LTBP1: variants seen among roughly 807,000 people sequenced by gnomAD.
LTBP1 encodes the protein latent-transforming growth factor beta-binding protein 1.
LTBP1 carries 129 observed loss-of-function variants against 207.6 expected under a neutral mutation model. The ratio of observed to expected loss-of-function variants is 0.62; its 90% CI spans 0.54 to 0.72. The LOEUF (loss-of-function observed/expected upper bound fraction) is 0.72, where lower values mean the gene tolerates loss of function less well. Among genes scored for constraint, LTBP1 ranks in the 30% least tolerant of loss-of-function variants. The pLI is 0.00. For missense variants in LTBP1, 2,281 were observed against 2,217.2 expected (o/e 1.03, Z -0.58); for synonymous variants, 963 against 833.7 (o/e 1.16, Z -2.67).
rs149391743 is a variant in LTBP1 at position 33,364,900 on chromosome 2, A to C, written c.4541-433A>C. Among the ~76,000 whole-genome samples the C allele has an allele frequency of 9.8e-3, 1,499 of 152,350 alleles. 10 individuals carry two copies. Among genetic ancestry groups the C allele is most frequent in the South Asian group, 0.021 (99 of 4,828 alleles). On this transcript the variant is annotated intron_variant, in intron 30 of 33. Transcript: ENST00000404816. ...TTGAAAGGTAGGAATTAAAGACTCTAGGATGAAGGGTCACTAGTCCAGGGC... is the reference window on the plus strand; with the variant it reads ...TTGAAAGGTAGGAATTAAAGACTCTCGGATGAAGGGTCACTAGTCCAGGGC...
chr2:33,118,210 A>T (rs970800202), intron 4 of LTBP1, among the ~76,000 whole-genome samples: 2 of 148,990 alleles, frequency 1.3e-5, no homozygotes, highest in African/African-American at 4.9e-5. Flanking sequence ...AAAACAAAAA[A>T]AAAACAACAA....
In LTBP1 at chr2:33,046,690, C is replaced by A. The variant is rs189152022; in HGVS notation, c.863+25484C>A. On this transcript the variant is annotated intron_variant, in intron 3 of 33. Transcript: ENST00000404816. ...TGGAATAGTTTCAGAAGGAATGGTA[C>A]CAGCTCCTTTTTGTACCTCTGGTAG... Among the ~76,000 whole-genome samples, 942 of 152,260 alleles carry A rather than the reference C, an allele frequency of 6.2e-3. 9 individuals are homozygous for A. Among genetic ancestry groups the A allele is most frequent in the African/African-American group, 0.021 (871 of 41,558 alleles).
chr2:33,302,968 C>G (rs1478247420), intron 22 of LTBP1, among the ~76,000 whole-genome samples: 2 of 151,162 alleles, frequency 1.3e-5, no homozygotes, highest in Non-Finnish European at 3.0e-5. Flanking sequence ...CACACACACA[C>G]ACACACACAC....
Position 33,244,609 on chromosome 2 carries a change from G to A in LTBP1, c.1999+825G>A, listed in dbSNP as rs185083262. 2.5e-3 allele frequency among the ~76,000 whole-genome samples: 379 copies of A among 152,272 alleles called. 4 individuals are homozygous for A. The highest frequency in any genetic ancestry group is 8.9e-3 in the African/African-American group (369 of 41,556). On this transcript the variant is annotated intron_variant, in intron 10 of 33. Coordinates refer to ENST00000404816, the MANE Select transcript of LTBP1 (RefSeq NM_206943.4). ...TTTTTAAGAATGTCTTATTTTTAAA[G>A]TAATCATGCCCATTATTATAGGTAA...
rs192085271 is a variant in LTBP1, at chr2:33,286,075, T to G, written c.3112+5917T>G. Among the ~76,000 whole-genome samples, 4 of 152,318 alleles carry G rather than the reference T, an allele frequency of 2.6e-5. No individual in the cohort carries two copies. The East Asian group carries it at 7.7e-4, about 29-fold the overall frequency. On this transcript the variant is annotated intron_variant, in intron 19 of 33. Coordinates refer to ENST00000404816, the MANE Select transcript of LTBP1 (RefSeq NM_206943.4). ...GGCAGAATATGCCACCTATTGGATATATGCAGCTAGCCTTTTGGGGGTTGT... is the reference window on the plus strand; with the variant it reads ...GGCAGAATATGCCACCTATTGGATAGATGCAGCTAGCCTTTTGGGGGTTGT...
intron 3 of LTBP1, among the ~76,000 whole-genome samples, chr2:33,070,521 G>A (rs563713962): frequency 1.2e-4 from 18 of 152,188 alleles, no homozygotes; most frequent in Non-Finnish European, 2.1e-4. Context: ...TCACCTAAGC[G>A]GATACCTCTT....
intron 24 of LTBP1, among the ~76,000 whole-genome samples, chr2:33,315,842 C>T (rs2094262758): frequency 6.6e-6 from 1 of 152,076 alleles, no homozygotes; most frequent in African/African-American, 2.4e-5. Context: ...GAGGCTGAGG[C>T]AGGAGAACCA....
intron 2 of LTBP1, among the ~76,000 whole-genome samples, chr2:32,969,225 CAATTTGTGTG>C (rs1255340920): frequency 1.8e-4 from 19 of 106,464 alleles, no homozygotes; most frequent in Admixed American, 1.8e-3. Flanking sequence ...GGCACCTGGC[CAATTTGTGTG>C]TGTGTGTGTG....
chr2:33,164,191 A>G (rs2084714818), intron 5 of LTBP1, among the ~76,000 whole-genome samples: 2 of 151,670 alleles, frequency 1.3e-5, no homozygotes, highest in Non-Finnish European at 2.9e-5. Flanking sequence ...TCTACTAAAA[A>G]TACAAAAATT....
intron 31 of LTBP1, among the ~76,000 whole-genome samples, chr2:33,378,817 G>A (rs142318595): frequency 2.1e-3 from 326 of 152,356 alleles, no homozygotes; most frequent in Non-Finnish European, 4.0e-3. Flanking sequence ...GAGCAGGCAA[G>A]CCGGGCAGAG....
rs1367379709 is a variant in LTBP1 at position 32,947,755 on chromosome 2, C to G, written c.431C>G (p.Pro144Arg). The G allele has an allele frequency of 2.0e-6, 3 of 1,524,074 alleles. No homozygotes were observed. The East Asian group carries it at 8.2e-5, about 42-fold the overall frequency. 94.4% of individuals were successfully genotyped at this position (1,524,074 alleles called of 1,614,324 possible). Residue 144 changes from proline (P) to arginine (R), a missense_variant, in exon 1 of 34, where the codon CCG (proline) becomes CGG (arginine). By Grantham distance (103) the Pro-to-Arg change is moderately radical. Around this residue, in one of 3 missense-constraint regions of LTBP1, gnomAD observed 555 missense variants for 491.0 expected, o/e 1.13. Coordinates refer to ENST00000404816, the MANE Select transcript of LTBP1 (RefSeq NM_206943.4). The part of the protein sequence containing the change: ...QGRQVVRSKV[P>R]QETQSGGGSR... ...AGGCAAGTTGTGCGCTCCAAGGTGC[C>G]GCAGGAGACCCAGAGCGGCGGAGGC...
chr2:33,199,317 A>T (rs1366042404), intron 7 of LTBP1, among the ~76,000 whole-genome samples: 2 of 152,148 alleles, frequency 1.3e-5, no homozygotes, highest in Non-Finnish European at 2.9e-5. Context: ...CTTTACTTCC[A>T]AGTATGTGGT....
At chr2:32,983,406 G>C (rs578105380) in intron 2 of LTBP1, among the ~76,000 whole-genome samples, 1 of 152,122 alleles carries the variant, frequency 6.6e-6, no homozygotes, top group Non-Finnish European at 1.5e-5. Flanking sequence ...ATGAGACTTT[G>C]GACTGTGGAC....
intron 3 of LTBP1, chr2:33,063,132 A>C (rs1250307741): frequency 1.3e-5 from 2 of 152,138 alleles, no homozygotes; most frequent in Non-Finnish European, 2.9e-5. Context: ...GTAAGCCCTC[A>C]ATTTTGTTCT....
chr2:33,016,411 G>C (rs1386004303), intron 2 of LTBP1, among the ~76,000 whole-genome samples: 2 of 152,322 alleles, frequency 1.3e-5, no homozygotes, highest in East Asian at 1.9e-4. Flanking sequence ...TTAGGTTTTT[G>C]TTCCTAACCC....
chr2:33,053,663 T>A (rs1313983443), intron 3 of LTBP1, among the ~76,000 whole-genome samples: 3 of 152,158 alleles, frequency 2.0e-5, no homozygotes, highest in Admixed American at 6.5e-5. Context: ...ACTGTTTTAA[T>A]GTCTTAGGGC....
At chr2:33,004,826 T>C (rs945719225) in intron 2 of LTBP1, among the ~76,000 whole-genome samples, 2 of 138,854 alleles carry the variant, frequency 1.4e-5, no homozygotes, top group African/African-American at 5.3e-5. Flanking sequence ...AACATAAAAT[T>C]TGTAAAATAG....
At chr2:33,228,435 C>T (rs2149510427) in intron 9 of LTBP1, among the ~76,000 whole-genome samples, 1 of 152,182 alleles carries the variant, frequency 6.6e-6, no homozygotes, top group East Asian at 1.9e-4. Flanking sequence ...CTAATAAGTG[C>T]TACATGCAGG....
In LTBP1 at chr2:33,212,817, C is replaced by T. The variant is rs565116622; in HGVS notation, c.1702-4735C>T. Among the ~76,000 whole-genome samples the T allele has an allele frequency of 7.5e-4, 114 of 152,276 alleles. 1 individual carries two copies. Among genetic ancestry groups the T allele is most frequent in the African/African-American group, 2.7e-3 (111 of 41,562 alleles). ...CAACATAACACTCCAAGGAAATGCT[C>T]GTTGGAACAATTTAGATTTTGTACT... is the stretch of plus-strand genomic sequence containing the variant. On this transcript the variant is annotated intron_variant, in intron 7 of 33. Coordinates refer to ENST00000404816, the MANE Select transcript of LTBP1 (RefSeq NM_206943.4).
Sources: gnomAD v4.1 joint callset for allele counts (sites outside exome capture counted in the v4.1 genomes callset) on GRCh38, gnomAD v4.1.1 for gene constraint, gnomAD v4.1.1 regional missense constraint, MANE v1.5 for transcripts, NCBI Gene and HGNC (gene_info 2026-07-23, HGNC 2026-07-21) for gene names.